The following RBMS3 variants were observed in gnomAD, a reference collection of about 807,000 sequenced individuals.
The protein encoded by RBMS3 is RNA binding motif single stranded interacting protein 3.
A neutral mutation model predicts 66.8 loss-of-function variants in RBMS3; 27 were observed. The observed-to-expected ratio is 0.40, with a 90% CI of 0.30 to 0.56. RBMS3 has a LOEUF of 0.56. RBMS3 is among the 20% of genes least tolerant of loss of function. The pLI is 0.40. For synonymous variants in RBMS3, 188 were observed against 183.0 expected (o/e 1.03, Z -0.22); for missense variants, 513 against 549.5 (o/e 0.93, Z 0.66).
intron 12 of RBMS3, among the ~76,000 whole-genome samples, chr3:29,963,652 C>T (rs1046472655): frequency 1.3e-5 from 2 of 151,700 alleles, no homozygotes; most frequent in Non-Finnish European, 2.9e-5. Context: ...ACATGGTGAA[C>T]CCCCATCTCC....
At chr3:29,504,478 A>C (rs4267615) in intron 3 of RBMS3, among the ~76,000 whole-genome samples, 20,001 of 151,898 alleles carry the variant, frequency 0.13, 1,949 homozygotes, top group African/African-American at 0.27. Context: ...TTTTAATTGG[A>C]AAATTAAAAA....
chr3:29,962,106 C>A (rs114289667), intron 12 of RBMS3, among the ~76,000 whole-genome samples: 14,794 of 144,192 alleles, frequency 0.1, 1,399 homozygotes, highest in African/African-American at 0.22. Context: ...ATATACATAT[C>A]TTTCTTTTAT....
In RBMS3 at chr3:29,281,118, T is replaced by G. The variant is rs1198579583; in HGVS notation, c.-564T>G. 6.9e-6 allele frequency: 1 copy of G among 145,502 alleles called. No individual in the cohort carries two copies. The highest frequency in any genetic ancestry group is 1.5e-5 in the Non-Finnish European group (1 of 66,108). 9.0% of individuals were successfully genotyped at this position (145,502 alleles called of 1,614,324 possible). A position where few individuals can be genotyped will look rare whatever the true frequency, so the allele number is the denominator to read the frequency against. On this transcript the variant is annotated 5_prime_UTR_variant, in exon 1 of 15. Coordinates refer to ENST00000383767, the MANE Select transcript of RBMS3 (RefSeq NM_001003793.3). ...GCAGCAACTAAGCTGTACAAGGTTTTTTTTTTTTTTTTTTCTTCCTTTTTT... is the reference window on the plus strand; with the variant it reads ...GCAGCAACTAAGCTGTACAAGGTTTGTTTTTTTTTTTTTTCTTCCTTTTTT...
intron 1 of RBMS3, among the ~76,000 whole-genome samples, chr3:29,340,294 T>G (rs2036210018): frequency 2.0e-5 from 3 of 152,158 alleles, no homozygotes; most frequent in African/African-American, 7.2e-5. Flanking sequence ...GAGCTCTGTG[T>G]ACCAGTTTCA....
chr3:29,516,285 T>C (rs1467481222), intron 3 of RBMS3, among the ~76,000 whole-genome samples: 1 of 152,120 alleles, frequency 6.6e-6, no homozygotes, highest in East Asian at 1.9e-4. Context: ...TTCTAGGACA[T>C]CCGATGAAAA....
At chr3:29,820,302 C>A (rs2058045021) in intron 6 of RBMS3, among the ~76,000 whole-genome samples, 1 of 141,960 alleles carries the variant, frequency 7.0e-6, no homozygotes, top group Non-Finnish European at 1.5e-5. Flanking sequence ...TGAAATGTTG[C>A]CAAAAAATAG....
intron 4 of RBMS3, among the ~76,000 whole-genome samples, chr3:29,671,317 A>G (rs2050991290): frequency 6.6e-6 from 1 of 152,234 alleles, no homozygotes; most frequent in East Asian, 1.9e-4. Flanking sequence ...AACCACAAAG[A>G]TGGGGAGAAA....
rs558839351 is a variant in RBMS3, at chr3:29,444,788, C to CTTTTTTTTTTTTTTTTTT, written c.248+9880_248+9897dup. 5.7e-4 allele frequency among the ~76,000 whole-genome samples: 29 copies of CTTTTTTTTTTTTTTTTTT among 50,498 alleles called. 3 individuals carry two copies. Among genetic ancestry groups the CTTTTTTTTTTTTTTTTTT allele is most frequent in the African/African-American group, 1.2e-3 (19 of 16,416 alleles). The allele number at this position is 50,498 out of a possible 152,430, so 33.1% of individuals were successfully genotyped here. A position where few individuals can be genotyped will look rare whatever the true frequency, so the allele number is the denominator to read the frequency against. ...AATTCTTTCAAGCGGAAATATATGC[C>CTTTTTTTTTTTTTTTTTT]TTTTTTTTTTTTTTTTTTTTTTTTG... is the stretch of plus-strand genomic sequence containing the variant. On this transcript the variant is annotated intron_variant, in intron 2 of 14. Transcript: ENST00000383767.
chr3:29,796,041 T>G (rs999404067), intron 6 of RBMS3, among the ~76,000 whole-genome samples: 14 of 152,192 alleles, frequency 9.2e-5, no homozygotes, highest in Non-Finnish European at 1.6e-4. Context: ...GTATTGTGGG[T>G]TCAGTTCCAG....
At position 29,705,492 on chromosome 3, in the gene RBMS3, G is replaced by A. The variant is rs149947576; in HGVS notation, c.400-34228G>A. Among the ~76,000 whole-genome samples the A allele has an allele frequency of 7.5e-3, 1,146 of 152,296 alleles. 20 individuals carry two copies. The highest frequency in any genetic ancestry group is 0.026 in the African/African-American group (1,080 of 41,558). ...TGCTTAAGTACTGTACTTAGGCACA[G>A]CAAGTGAAAACATAATGAAATGGAA... On this transcript the variant is annotated intron_variant, in intron 4 of 14. Transcript: ENST00000383767.
At chr3:30,000,951 G>A (rs897387005) in intron 14 of RBMS3, among the ~76,000 whole-genome samples, 9 of 151,866 alleles carry the variant, frequency 5.9e-5, no homozygotes, top group African/African-American at 2.2e-4. Flanking sequence ...ATGGGTTGAT[G>A]GGTACAGCAA....
intron 3 of RBMS3, among the ~76,000 whole-genome samples, chr3:29,532,242 ATATGTATATATATATATATG>A (rs1174982755): frequency 0.016 from 1,223 of 76,240 alleles, 34 homozygotes; most frequent in Non-Finnish European, 0.016. Flanking sequence ...TTTCGCATAT[ATATGTATATATATATATATG>A]TATATATATA....
At chr3:29,403,026 G>A (rs985238752) in intron 1 of RBMS3, among the ~76,000 whole-genome samples, 1 of 151,778 alleles carries the variant, frequency 6.6e-6, no homozygotes, top group Non-Finnish European at 1.5e-5. Flanking sequence ...AGTATAAGAC[G>A]ATCATAGAAT....
At chr3:29,486,493 G>T (rs1189304638) in intron 2 of RBMS3, among the ~76,000 whole-genome samples, 1 of 152,090 alleles carries the variant, frequency 6.6e-6, no homozygotes, top group Non-Finnish European at 1.5e-5. Context: ...TGCTTTTTTG[G>T]ACTCTGTGTG....
intron 3 of RBMS3, among the ~76,000 whole-genome samples, chr3:29,539,144 C>G (rs1331291173): frequency 6.6e-6 from 1 of 152,000 alleles, no homozygotes; most frequent in African/African-American, 2.4e-5. Context: ...TTGGGTCTTA[C>G]AGGAAATGAG....
intron 1 of RBMS3, among the ~76,000 whole-genome samples, chr3:29,434,489 A>G (rs578009633): frequency 6.6e-6 from 1 of 152,282 alleles, no homozygotes; most frequent in Admixed American, 6.5e-5. Context: ...TTCAAATGCC[A>G]TATGCTACTG....
chr3:29,544,993 G>A (rs2045900136), intron 3 of RBMS3, among the ~76,000 whole-genome samples: 3 of 152,142 alleles, frequency 2.0e-5, no homozygotes, highest in African/African-American at 7.2e-5. Flanking sequence ...CTCACTTCTA[G>A]TAACTTATCC....
intron 2 of RBMS3, among the ~76,000 whole-genome samples, chr3:29,442,105 C>A (rs2041646940): frequency 6.6e-6 from 1 of 152,124 alleles, no homozygotes; most frequent in African/African-American, 2.4e-5. Flanking sequence ...AAAAGTCAAA[C>A]ATTTATTCAA....
chr3:30,000,880 C>A (rs965311484), intron 14 of RBMS3, among the ~76,000 whole-genome samples: 4 of 151,792 alleles, frequency 2.6e-5, no homozygotes, highest in African/African-American at 7.3e-5. Flanking sequence ...CATACTGGGG[C>A]CTGTCAGGGA....
Sources: gnomAD v4.1 joint callset for allele counts (sites outside exome capture counted in the v4.1 genomes callset) on GRCh38, gnomAD v4.1.1 for gene constraint, MANE v1.5 for transcripts, NCBI Gene and HGNC (gene_info 2026-07-23, HGNC 2026-07-21) for gene names.